Variants in GPC5 observed in about 807,000 individuals in gnomAD.
GPC5 encodes glypican-5.
In GPC5, 47 loss-of-function variants were observed where a neutral mutation model predicts 53.9. The observed-to-expected ratio is 0.87, with a 90% CI of 0.69 to 1.11. The LOEUF (loss-of-function observed/expected upper bound fraction) is 1.11. GPC5 is among the 50% of genes most tolerant of loss of function. The probability of loss-of-function intolerance (pLI) is 0.00; values close to 1 mark genes in which losing one functional copy is unlikely to be tolerated. For synonymous variants in GPC5, 286 were observed against 263.3 expected (o/e 1.09, Z -0.84); for missense variants, 748 against 713.1 (o/e 1.05, Z -0.56).
chr13:91,977,703 A>T (rs2040316749), intron 6 of GPC5, among the ~76,000 whole-genome samples: 1 of 152,250 alleles, frequency 6.6e-6, no homozygotes. Context: ...AAGTGGTCAT[A>T]GCCAAGAGAA....
At chr13:91,409,887 G>C (rs1255352027) in intron 1 of GPC5, among the ~76,000 whole-genome samples, 1 of 152,120 alleles carries the variant, frequency 6.6e-6, no homozygotes, top group Non-Finnish European at 1.5e-5. Context: ...GAAGTTCCCA[G>C]TGTCTGTGTT....
intron 2 of GPC5, among the ~76,000 whole-genome samples, chr13:91,654,305 T>C (rs1448299623): frequency 2.0e-5 from 3 of 152,178 alleles, no homozygotes; most frequent in African/African-American, 7.2e-5. Flanking sequence ...TAAATATACT[T>C]GTATGAAGAC....
chr13:92,379,045 G>A (rs770464794), intron 7 of GPC5, among the ~76,000 whole-genome samples: 6 of 152,102 alleles, frequency 3.9e-5, no homozygotes, highest in Non-Finnish European at 7.3e-5. Context: ...TTTTAAATGA[G>A]GTAACCCAGT....
intron 7 of GPC5, among the ~76,000 whole-genome samples, chr13:92,377,395 G>A (rs2043703782): frequency 6.6e-6 from 1 of 152,070 alleles, no homozygotes; most frequent in African/African-American, 2.4e-5. Context: ...GTACACATGA[G>A]GCATACATTT....
intron 6 of GPC5, among the ~76,000 whole-genome samples, chr13:92,130,320 G>A (rs924399892): frequency 7.9e-5 from 12 of 151,212 alleles, no homozygotes; most frequent in African/African-American, 2.9e-4. Context: ...TGCAATTAGA[G>A]GAAGCAATGA....
Position 91,621,759 on chromosome 13 carries a change from CATTAT to C in GPC5, c.326-71425_326-71421del, listed in dbSNP as rs1474439936. 3.5e-3 allele frequency among the ~76,000 whole-genome samples: 377 copies of C among 107,410 alleles called. 59 individuals are homozygous for C. The highest frequency in any genetic ancestry group is 0.018 in the African/African-American group (321 of 17,774). 70.5% of individuals were successfully genotyped at this position (107,410 alleles called of 152,430 possible). Reference sequence around the variant, plus strand: ...GTCAGGGTTCTCTAAAGGGACAGAACATTATATATATATATATATATATATATATA... The same window carrying C: ...GTCAGGGTTCTCTAAAGGGACAGAACATATATATATATATATATATATATA... On this transcript the variant is annotated intron_variant, in intron 2 of 7. Transcript: ENST00000377067.
At chr13:91,550,579 G>C (rs1289997435) in intron 2 of GPC5, among the ~76,000 whole-genome samples, 1 of 152,152 alleles carries the variant, frequency 6.6e-6, no homozygotes, top group Non-Finnish European at 1.5e-5. Context: ...TGATGTTCTT[G>C]TGGATAGGAA....
At chr13:92,094,852 A>G (rs922777030) in intron 6 of GPC5, among the ~76,000 whole-genome samples, 4 of 151,962 alleles carry the variant, frequency 2.6e-5, no homozygotes, top group African/African-American at 9.7e-5. Context: ...TAAATATATT[A>G]CTATATTGTA....
At chr13:92,085,174 T>G (rs1316637985) in intron 6 of GPC5, among the ~76,000 whole-genome samples, 1 of 152,192 alleles carries the variant, frequency 6.6e-6, no homozygotes, top group Non-Finnish European at 1.5e-5. Flanking sequence ...ACACAAACAT[T>G]TAGACCATAG....
At chr13:92,563,570 ACATAT>A (rs1413700238) in intron 7 of GPC5, among the ~76,000 whole-genome samples, 1 of 152,160 alleles carries the variant, frequency 6.6e-6, no homozygotes, top group East Asian at 1.9e-4. Flanking sequence ...GTGCTCAATA[ACATAT>A]ATTAGTCTGT....
chr13:92,589,226 C>G (rs1412769500), intron 7 of GPC5, among the ~76,000 whole-genome samples: 3 of 152,202 alleles, frequency 2.0e-5, no homozygotes, highest in African/African-American at 7.2e-5. Context: ...CATCTACCGG[C>G]TGTACCAAAA....
intron 7 of GPC5, among the ~76,000 whole-genome samples, chr13:92,773,043 A>G (rs1349445568): frequency 2.6e-5 from 4 of 152,162 alleles, no homozygotes; most frequent in Admixed American, 6.5e-5. Flanking sequence ...TCCGATAATA[A>G]AATTTCCAAG....
intron 7 of GPC5, among the ~76,000 whole-genome samples, chr13:92,430,838 A>G (rs1276729063): frequency 6.6e-6 from 1 of 152,152 alleles, no homozygotes; most frequent in African/African-American, 2.4e-5. Context: ...TAAGCTTGCA[A>G]AGAAAAATCA....
At chr13:91,550,953 G>A (rs2030602928) in intron 2 of GPC5, among the ~76,000 whole-genome samples, 1 of 152,152 alleles carries the variant, frequency 6.6e-6, no homozygotes, top group Non-Finnish European at 1.5e-5. Context: ...TCCCAGCCAT[G>A]TGGAATTGTG....
At chr13:92,737,766 CTTT>C (rs33914729) in intron 7 of GPC5, among the ~76,000 whole-genome samples, 1 of 102,132 alleles carries the variant, frequency 9.8e-6, no homozygotes, top group Non-Finnish European at 1.8e-5. Context: ...TTTTCTTTTT[CTTT>C]TTTTTTTTTT....
At chr13:92,288,612 CTT>C (rs757865924) in intron 7 of GPC5, among the ~76,000 whole-genome samples, 8 of 152,146 alleles carry the variant, frequency 5.3e-5, no homozygotes, top group African/African-American at 1.4e-4. Flanking sequence ...CAGTGTTTGA[CTT>C]TACTTCAGAG....
chr13:92,698,801 G>A (rs1056035532), intron 7 of GPC5, among the ~76,000 whole-genome samples: 30 of 152,128 alleles, frequency 2.0e-4, no homozygotes, highest in Admixed American at 1.4e-3. Context: ...AAGTGTTCCT[G>A]TTTCTCCACA....
intron 7 of GPC5, among the ~76,000 whole-genome samples, chr13:92,250,932 A>T (rs1926617): frequency 0.57 from 86,776 of 151,890 alleles, 25,047 homozygotes; most frequent in South Asian, 0.65. Flanking sequence ...TTCGGAAAAA[A>T]TGGGCATAGG....
intron 7 of GPC5, among the ~76,000 whole-genome samples, chr13:92,391,608 T>C (rs989826533): frequency 1.3e-5 from 2 of 152,200 alleles, no homozygotes; most frequent in African/African-American, 4.8e-5. Flanking sequence ...GATCAATTTA[T>C]TTGCTACTAG....
Sources: gnomAD v4.1 joint callset for allele counts (sites outside exome capture counted in the v4.1 genomes callset) on GRCh38, gnomAD v4.1.1 for gene constraint, MANE v1.5 for transcripts, NCBI Gene and HGNC (gene_info 2026-07-23, HGNC 2026-07-21) for gene names.